The following SH2D4B variants were observed in gnomAD, a reference collection of about 807,000 sequenced individuals.
The protein encoded by SH2D4B is SH2 domain containing 4B.
SH2D4B carries 45 observed loss-of-function variants against 61.5 expected under a neutral mutation model. The observed-to-expected ratio is 0.73, with a 90% confidence interval of 0.58 to 0.94. The LOEUF (loss-of-function observed/expected upper bound fraction) is 0.94. SH2D4B is among the 40% of genes least tolerant of loss of function. The pLI is 0.00. For synonymous variants in SH2D4B, 224 were observed against 220.4 expected (o/e 1.02, Z -0.14); for missense variants, 572 against 574.2 (o/e 1.00, Z 0.04).
At chr10:80,635,616 G>A (rs945974438) in intron 7 of SH2D4B, among the ~76,000 whole-genome samples, 8 of 152,120 alleles carry the variant, frequency 5.3e-5, no homozygotes, top group Non-Finnish European at 1.2e-4. Flanking sequence ...GGACTAACCA[G>A]GATCAAGGTT....
intron 3 of SH2D4B, among the ~76,000 whole-genome samples, chr10:80,586,263 A>G (rs533931059): frequency 6.6e-5 from 10 of 152,284 alleles, no homozygotes; most frequent in Non-Finnish European, 7.4e-5. Context: ...GTGTGGGCGC[A>G]CGGCGTGGGA....
chr10:80,548,267 C>A (rs973805298), intron 1 of SH2D4B, among the ~76,000 whole-genome samples: 1 of 152,158 alleles, frequency 6.6e-6, no homozygotes, highest in Non-Finnish European at 1.5e-5. Flanking sequence ...TAGTTTCAAG[C>A]GATTCTCCTG....
rs1255209374 is a variant in SH2D4B, at chr10:80,570,217, T to C, written c.248T>C (p.Met83Thr). Residue 83 changes from methionine (M) to threonine (T), a missense_variant, in exon 2 of 8, where the codon ATG becomes ACG. Transcript: ENST00000646907. ...GATGGCGAGGTCTGGGTCTGGATCATGGGAGAAGGCCCTGGTGACAAGCCC... is the reference window on the plus strand; with the variant it reads ...GATGGCGAGGTCTGGGTCTGGATCACGGGAGAAGGCCCTGGTGACAAGCCC... ...GADGEVWVWI[M>T]GEGPGDKPYE... 1 of 1,614,108 alleles carries C rather than the reference T, an allele frequency of 6.2e-7. No individual in the cohort carries two copies. The highest frequency in any genetic ancestry group is 2.2e-5 in the East Asian group (1 of 44,882).
intron 6 of SH2D4B, among the ~76,000 whole-genome samples, chr10:80,619,057 G>A (rs1249126472): frequency 1.3e-5 from 2 of 152,202 alleles, no homozygotes; most frequent in African/African-American, 2.4e-5. Context: ...GAAGTTGTTG[G>A]TGCTATCTGA....
intron 4 of SH2D4B, among the ~76,000 whole-genome samples, chr10:80,600,943 G>A (rs1842445887): frequency 6.6e-6 from 1 of 152,128 alleles, no homozygotes; most frequent in South Asian, 2.1e-4. Flanking sequence ...CCCATCCCGG[G>A]GCATCCTGAC....
Position 80,538,382 on chromosome 10 carries a change from C to T in SH2D4B, c.51C>T (p.Ala17=), listed in dbSNP as rs769999666. ...HDMYIDPELL[A]ELSDVQKHIL... ...TGTACATCGACCCCGAGCTCCTTGC[C>T]GAGCTCAGCGATGTGCAGAAGCACA... The change falls in exon 1 of 8, where the codon GCC becomes GCT. Residue 17 remains alanine (A), a synonymous_variant. Transcript: ENST00000646907. The surrounding 1 kb of genome is among the most constrained non-coding windows in gnomAD (Gnocchi z 4.8). 31 of 1,421,216 alleles carry T rather than the reference C, an allele frequency of 2.2e-5. No individual in the cohort carries two copies. The highest frequency in any genetic ancestry group is 2.9e-5 in the African/African-American group (2 of 68,200). The allele number at this position is 1,421,216 out of a possible 1,614,324, so 88.0% of individuals were successfully genotyped here. A position where few individuals can be genotyped will look rare whatever the true frequency, so the allele number is the denominator to read the frequency against.
At chr10:80,593,724 C>T (rs566478284) in intron 4 of SH2D4B, among the ~76,000 whole-genome samples, 1 of 152,286 alleles carries the variant, frequency 6.6e-6, no homozygotes, top group East Asian at 1.9e-4. Flanking sequence ...GCTAGAACTT[C>T]CAATACTATG....
At position 80,583,333 on chromosome 10, in the gene SH2D4B, A is replaced by G. The variant is rs1369682147; in HGVS notation, c.496-5297A>G. 2.6e-5 allele frequency among the ~76,000 whole-genome samples: 4 copies of G among 152,164 alleles called. No homozygotes were observed. In the East Asian group the frequency reaches 7.7e-4, roughly 29 times the overall value. On this transcript the variant is annotated intron_variant, in intron 3 of 7. Coordinates refer to ENST00000646907, the MANE Select transcript of SH2D4B (RefSeq NM_001388272.1). ...ATAAAAAACTCAGTAGAAGGTTTGG[A>G]AGATAAAGTCGATGAAATCAACCAG...
intron 7 of SH2D4B, among the ~76,000 whole-genome samples, chr10:80,638,934 T>G (rs1444804447): frequency 6.6e-6 from 1 of 152,238 alleles, no homozygotes; most frequent in African/African-American, 2.4e-5. Flanking sequence ...GTGCTATAAA[T>G]TTCCCTCTAC....
chr10:80,627,462 C>T (rs1468273801), intron 6 of SH2D4B, among the ~76,000 whole-genome samples: 1 of 152,006 alleles, frequency 6.6e-6, no homozygotes, highest in Non-Finnish European at 1.5e-5. Context: ...ATGACTTTTG[C>T]AATCTTCCCT....
intron 6 of SH2D4B, among the ~76,000 whole-genome samples, chr10:80,626,085 T>C (rs1479168693): frequency 6.6e-6 from 1 of 152,234 alleles, no homozygotes; most frequent in East Asian, 1.9e-4. Flanking sequence ...AAGTCAACTT[T>C]TTTAGGTTGA....
intron 1 of SH2D4B, among the ~76,000 whole-genome samples, chr10:80,566,018 G>A (rs1049203259): frequency 4.1e-5 from 6 of 146,630 alleles, no homozygotes; most frequent in Admixed American, 6.9e-5. Flanking sequence ...GTGAACCCAG[G>A]AGGCGGAGCT....
chr10:80,575,263 T>C (rs1315184722), intron 3 of SH2D4B, among the ~76,000 whole-genome samples: 2 of 152,008 alleles, frequency 1.3e-5, no homozygotes, highest in Non-Finnish European at 2.9e-5. Context: ...CTCACACTCA[T>C]ATACACTTTG....
chr10:80,623,824 T>C (rs1185799812), intron 6 of SH2D4B, among the ~76,000 whole-genome samples: 1 of 152,274 alleles, frequency 6.6e-6, no homozygotes, highest in Non-Finnish European at 1.5e-5. Flanking sequence ...TTCCAACTGC[T>C]GTACAGTACT....
At chr10:80,620,416 A>G (rs769034570) in intron 6 of SH2D4B, among the ~76,000 whole-genome samples, 11 of 152,202 alleles carry the variant, frequency 7.2e-5, no homozygotes, top group South Asian at 4.1e-4. Flanking sequence ...GAAAATGGCC[A>G]TGCTTCCTGT....
At chr10:80,604,562 A>T (rs1396875833) in intron 5 of SH2D4B, among the ~76,000 whole-genome samples, 1 of 151,480 alleles carries the variant, frequency 6.6e-6, no homozygotes, top group Admixed American at 6.6e-5. Flanking sequence ...GAGTCCAGTC[A>T]CCCCCAGATA....
chr10:80,548,455 C>T lies in SH2D4B; in HGVS notation c.184+9940C>T, dbSNP rs947587344. Among the ~76,000 whole-genome samples, 12 of 152,136 alleles carry T rather than the reference C, an allele frequency of 7.9e-5. No homozygotes were observed. The East Asian group carries it at 1.3e-3, about 17-fold the overall frequency. ...CTGGGATTACAGGTGTGAGCCACCG[C>T]GTCCAGCCTCATTTTTCCACCCTTG... On this transcript the variant is annotated intron_variant, in intron 1 of 7. Transcript: ENST00000646907.
intron 1 of SH2D4B, among the ~76,000 whole-genome samples, chr10:80,562,380 C>A (rs1399753149): frequency 1.3e-5 from 2 of 152,140 alleles, no homozygotes; most frequent in African/African-American, 4.8e-5. Context: ...AACGTTTTAA[C>A]AAAATGACAT....
At position 80,549,181 on chromosome 10, in the gene SH2D4B, C is replaced by T. The variant is rs139804115; in HGVS notation, c.184+10666C>T. On this transcript the variant is annotated intron_variant, in intron 1 of 7. Transcript: ENST00000646907. ...CAGTGGAACAAAGGCTAGGGATCTCCGAGAGCTGTGATGGGACTTGATTGT... is the reference window on the plus strand; with the variant it reads ...CAGTGGAACAAAGGCTAGGGATCTCTGAGAGCTGTGATGGGACTTGATTGT... Among the ~76,000 whole-genome samples, 75 of 77,350 alleles carry T rather than the reference C, an allele frequency of 9.7e-4. 1 individual carries two copies. The highest frequency in any genetic ancestry group is 3.9e-3 in the African/African-American group (70 of 17,828). 50.7% of individuals were successfully genotyped at this position (77,350 alleles called of 152,430 possible).
Sources: gnomAD v4.1 joint callset for allele counts (sites outside exome capture counted in the v4.1 genomes callset) on GRCh38, gnomAD v4.1.1 for gene constraint, Gnocchi (gnomAD v3.1) non-coding constraint, MANE v1.5 for transcripts, NCBI Gene and HGNC (gene_info 2026-07-23, HGNC 2026-07-21) for gene names.